The following RNASE4 variants were observed in gnomAD, a reference collection of about 807,000 sequenced individuals.
RNASE4 encodes ribonuclease A family member 4.
For synonymous variants in RNASE4, 93 were observed against 71.4 expected (o/e 1.30, Z -1.52); for missense variants, 194 against 192.8 (o/e 1.01, Z -0.04).
intron 1 of RNASE4, among the ~76,000 whole-genome samples, chr14:20,688,396 G>A (rs1282932319): frequency 6.6e-6 from 1 of 152,184 alleles, no homozygotes; most frequent in Non-Finnish European, 1.5e-5. Context: ...GCATCCTACT[G>A]GAAGACCATA....
At chr14:20,689,895 G>T (rs1430856235) in intron 1 of RNASE4, among the ~76,000 whole-genome samples, 1 of 137,746 alleles carries the variant, frequency 7.3e-6, no homozygotes, top group African/African-American at 2.8e-5. Context: ...TAGCCTGGGC[G>T]ATAGAACAAG....
chr14:20,693,684 C>A (rs957750904), intron 1 of RNASE4: 3 of 1,614,140 alleles, frequency 1.9e-6, no homozygotes, highest in Non-Finnish European at 2.5e-6. Flanking sequence ...ACTATGATGC[C>A]AAACCACAGG....
In RNASE4 at chr14:20,699,460, A is replaced by G. The variant is rs772791260; in HGVS notation, c.89A>G (p.Asp30Gly). 2 of 1,613,976 alleles carry G rather than the reference A, an allele frequency of 1.2e-6. No homozygotes were observed. The highest frequency in any genetic ancestry group is 4.5e-5 in the East Asian group (2 of 44,876). ...CTGGTCCAGCCCTCCTATGGCCAGG[A>G]TGGCATGTACCAGCGATTCCTGCGG... ...LGLVQPSYGQ[D>G]GMYQRFLRQH... is the part of the protein sequence containing the mutation. Residue 30 changes from aspartate (D) to glycine (G), a missense_variant, in exon 2 of 2, where the codon GAT becomes GGT. By Grantham distance (94) the Asp-to-Gly change is moderately conservative. Coordinates refer to ENST00000555835, the MANE Select transcript of RNASE4 (RefSeq NM_002937.5).
intron 1 of RNASE4, chr14:20,693,572 TG>T: frequency 6.2e-7 from 1 of 1,612,642 alleles, no homozygotes; most frequent in Non-Finnish European, 8.5e-7. Context: ...GAGATGGTGA[TG>T]GGCCTGGGCG....
At chr14:20,697,594 C>A (rs570113891) in intron 1 of RNASE4, among the ~76,000 whole-genome samples, 3 of 152,246 alleles carry the variant, frequency 2.0e-5, no homozygotes, top group South Asian at 2.1e-4. Flanking sequence ...GAAAAGGTAG[C>A]CTTTCAGCAG....
intron 1 of RNASE4, chr14:20,694,065 T>G: frequency 1.3e-6 from 2 of 1,597,650 alleles, no homozygotes; most frequent in Non-Finnish European, 1.7e-6. Context: ...ATTTCCCCTC[T>G]GCACCCAGAA....
At chr14:20,689,320 G>T (rs779260066) in intron 1 of RNASE4, among the ~76,000 whole-genome samples, 2 of 152,224 alleles carry the variant, frequency 1.3e-5, no homozygotes, top group Admixed American at 6.5e-5. Context: ...CACATCCCAA[G>T]ATCAAAAGAA....
intron 1 of RNASE4, among the ~76,000 whole-genome samples, chr14:20,690,082 G>A (rs1886646981): frequency 6.8e-6 from 1 of 148,138 alleles, no homozygotes; most frequent in Non-Finnish European, 1.5e-5. Flanking sequence ...GGGCGCGGTG[G>A]CGGGCGCCTG....
intron 1 of RNASE4, among the ~76,000 whole-genome samples, chr14:20,691,290 G>A (rs905869156): frequency 6.6e-6 from 1 of 152,222 alleles, no homozygotes; most frequent in African/African-American, 2.4e-5. Flanking sequence ...GCACCAGGCA[G>A]AAGAATGTTG....
chr14:20,688,661 G>A, intron 1 of RNASE4: 2 of 984,638 alleles, frequency 2.0e-6, no homozygotes, highest in African/African-American at 1.7e-5. Context: ...CCAGCGAAAA[G>A]GTGAATGACC....
At position 20,699,434 on chromosome 14, in the gene RNASE4, G is replaced by T; in HGVS notation, c.63G>T (p.Gly21=). 6.2e-7 allele frequency: 1 copy of T among 1,612,086 alleles called. No homozygotes were observed. Among genetic ancestry groups the T allele is most frequent in the Non-Finnish European group, 8.5e-7 (1 of 1,178,612 alleles). ...LLLLLTLLGL[G]LVQPSYGQDG... ...TGCTGCTGACCCTGCTGGGGCTGGG[G>T]CTGGTCCAGCCCTCCTATGGCCAGG... The change falls in exon 2 of 2, where the codon GGG becomes GGT. Residue 21 remains glycine (G), a synonymous_variant. Coordinates refer to ENST00000555835, the MANE Select transcript of RNASE4 (RefSeq NM_002937.5).
chr14:20,699,381 C>CA lies in RNASE4; in HGVS notation c.11dup (p.Arg5GlufsTer40), dbSNP rs1887201222. 6.3e-7 allele frequency: 1 copy of CA among 1,599,212 alleles called. No individual in the cohort carries two copies. Among genetic ancestry groups the CA allele is most frequent in the South Asian group, 1.1e-5 (1 of 89,750 alleles). ...CACCTCTAAGATACTGATGGCTCTG[C>CA]AGAGGACCCATTCATTGCTTCTGCT... On this transcript the variant is annotated frameshift_variant, in exon 2 of 2. Coordinates refer to ENST00000555835, the MANE Select transcript of RNASE4 (RefSeq NM_002937.5). LOFTEE classifies it low-confidence loss of function (END_TRUNC).
At position 20,684,740 on chromosome 14, in the gene RNASE4, G is replaced by A. The variant is rs762349010; in HGVS notation, c.-36G>A. ...TTCCATTGTCCTGCCCGTTTCTGCGGACTTGTTCTGAGGCCGAGGTAGGTT... is the reference window on the plus strand; with the variant it reads ...TTCCATTGTCCTGCCCGTTTCTGCGAACTTGTTCTGAGGCCGAGGTAGGTT... On this transcript the variant is annotated 5_prime_UTR_variant, in exon 1 of 2. Coordinates refer to ENST00000555835, the MANE Select transcript of RNASE4 (RefSeq NM_002937.5). 3.3e-5 allele frequency: 5 copies of A among 152,656 alleles called. No homozygotes were observed. The highest frequency in any genetic ancestry group is 6.5e-5 in the Admixed American group (1 of 15,278). The allele number at this position is 152,656 out of a possible 1,614,324, so 9.5% of individuals were successfully genotyped here.
intron 1 of RNASE4, chr14:20,694,250 C>G: frequency 3.3e-6 from 2 of 607,570 alleles, no homozygotes; most frequent in South Asian, 4.1e-5. Flanking sequence ...CTTGGCTGCT[C>G]CCTGAGAGGA....
In RNASE4 at chr14:20,697,671, G is replaced by A. The variant is rs1045683588; in HGVS notation, c.-17-1684G>A. 2.0e-5 allele frequency among the ~76,000 whole-genome samples: 3 copies of A among 152,284 alleles called. 1 individual carries two copies. The highest frequency in any genetic ancestry group is 6.8e-3 in the Middle Eastern group (2 of 294). ...TTCACACAGTGTGATCCACCATTACGAAGCAGAATTTGAAATCAAAAGACA... is the reference window on the plus strand; with the variant it reads ...TTCACACAGTGTGATCCACCATTACAAAGCAGAATTTGAAATCAAAAGACA... On this transcript the variant is annotated intron_variant, in intron 1 of 1. Coordinates refer to ENST00000555835, the MANE Select transcript of RNASE4 (RefSeq NM_002937.5).
intron 1 of RNASE4, chr14:20,693,888 T>C (rs1886957344): frequency 2.5e-6 from 4 of 1,614,146 alleles, no homozygotes; most frequent in Non-Finnish European, 3.4e-6. Flanking sequence ...GCAAGCTACA[T>C]GGAGGTTCCC....
At chr14:20,686,018 T>TG (rs1267236528) in intron 1 of RNASE4, among the ~76,000 whole-genome samples, 5 of 144,598 alleles carry the variant, frequency 3.5e-5, no homozygotes, top group Non-Finnish European at 7.5e-5. Flanking sequence ...CTAGCCTGGG[T>TG]GACAGAGCAA....
Position 20,699,387 on chromosome 14 carries a change from A to G in RNASE4, c.16A>G (p.Thr6Ala). The part of the protein sequence containing the change: MALQR[T>A]HSLLLLLLLT... ...TAAGATACTGATGGCTCTGCAGAGG[A>G]CCCATTCATTGCTTCTGCTTTTGCT... is the stretch of plus-strand genomic sequence containing the variant. Residue 6 changes from threonine (T) to alanine (A), a missense_variant, in exon 2 of 2, where the codon ACC becomes GCC. Coordinates refer to ENST00000555835, the MANE Select transcript of RNASE4 (RefSeq NM_002937.5). The G allele has an allele frequency of 6.2e-7, 1 of 1,602,544 alleles. No homozygotes were observed. The highest frequency in any genetic ancestry group is 8.5e-7 in the Non-Finnish European group (1 of 1,173,000).
intron 1 of RNASE4, among the ~76,000 whole-genome samples, chr14:20,689,447 G>A (rs979116775): frequency 6.6e-6 from 1 of 152,198 alleles, no homozygotes; most frequent in East Asian, 1.9e-4. Context: ...AAAGTGTGAA[G>A]CCACATTGAT....
Sources: allele counts gnomAD v4.1 joint callset (sites outside exome capture counted in the v4.1 genomes callset), GRCh38; gene constraint gnomAD v4.1.1; transcripts MANE v1.5; gene names NCBI Gene and HGNC (gene_info 2026-07-23, HGNC 2026-07-21).